PRMT3: variants seen among roughly 807,000 people sequenced by gnomAD.
The protein encoded by PRMT3 is protein arginine methyltransferase 3.
Under a neutral mutation model 71.9 loss-of-function variants are expected in PRMT3, and 62 were observed. The ratio of observed to expected loss-of-function variants is 0.86; its 90% CI spans 0.70 to 1.07. PRMT3 has a LOEUF of 1.07. PRMT3 is among the 50% of genes least tolerant of loss of function. The pLI is 0.00. For missense variants in PRMT3, 663 were observed against 643.0 expected (o/e 1.03, Z -0.34); for synonymous variants, 213 against 220.4 (o/e 0.97, Z 0.30).
Position 20,388,161 on chromosome 11 carries a change from C to A in PRMT3, c.164+7C>A, listed in dbSNP as rs530867962. The A allele has an allele frequency of 1.7e-5, 27 of 1,613,856 alleles. No homozygotes were observed. The East Asian group carries it at 3.8e-4, about 23-fold the overall frequency. On this transcript the variant is annotated splice_region_variant and intron_variant, in intron 2 of 15. Transcript: ENST00000331079. ...CCTGCCTGTTCTGTAACAGGTTCGT[C>A]CGCCTCAGCGCCTGGCCTCTGCCCT...
intron 10 of PRMT3, among the ~76,000 whole-genome samples, chr11:20,451,016 G>T (rs1172088768): frequency 1.3e-5 from 2 of 152,148 alleles, no homozygotes; most frequent in Admixed American, 1.3e-4. Flanking sequence ...GCATAGGGCT[G>T]TTGGGGGGTT....
At chr11:20,494,307 A>C (rs948952834) in intron 15 of PRMT3, 53 bp downstream of exon 15, 4 of 1,391,628 alleles carry the variant, frequency 2.9e-6, no homozygotes, top group Non-Finnish European at 4.0e-6. Context: ...AGTAAATGAT[A>C]TTCATTCATT....
At chr11:20,409,654 A>AAC (rs60686099) in intron 9 of PRMT3, among the ~76,000 whole-genome samples, 20,258 of 144,142 alleles carry the variant, frequency 0.14, 1,488 homozygotes, top group South Asian at 0.2. Flanking sequence ...GGAATACACA[A>AAC]ACACACACAC....
chr11:20,435,626 C>G (rs1045490358), intron 10 of PRMT3, among the ~76,000 whole-genome samples: 1 of 152,102 alleles, frequency 6.6e-6, no homozygotes. Flanking sequence ...GTTTTTGGTA[C>G]CTTTGCCAAA....
chr11:20,410,209 C>A (rs1849165001), intron 9 of PRMT3, among the ~76,000 whole-genome samples: 1 of 152,040 alleles, frequency 6.6e-6, no homozygotes, highest in African/African-American at 2.4e-5. Flanking sequence ...CTAGGGTGTT[C>A]ATGTCCAAGC....
intron 7 of PRMT3, 52 bp from the exon 8 acceptor site, chr11:20,402,867 T>A: frequency 7.0e-7 from 1 of 1,423,112 alleles, no homozygotes; most frequent in East Asian, 2.3e-5. Flanking sequence ...CTTAAAAAAT[T>A]TATTTGTTTA....
At chr11:20,388,658 T>C (rs1848649042) in intron 2 of PRMT3, among the ~76,000 whole-genome samples, 1 of 152,236 alleles carries the variant, frequency 6.6e-6, no homozygotes, top group South Asian at 2.1e-4. Flanking sequence ...AAACATTTCT[T>C]TTTTATTTGA....
chr11:20,414,187 A>T (rs1489049971), intron 9 of PRMT3, among the ~76,000 whole-genome samples: 1 of 152,094 alleles, frequency 6.6e-6, no homozygotes, highest in Non-Finnish European at 1.5e-5. Context: ...TGTCTCTACC[A>T]AAAAAATAAT....
chr11:20,491,333 G>T (rs1339581956), intron 13 of PRMT3, among the ~76,000 whole-genome samples: 1 of 152,140 alleles, frequency 6.6e-6, no homozygotes, highest in Non-Finnish European at 1.5e-5. Flanking sequence ...GAGGTGGCTT[G>T]TCTTTTCTCC....
At chr11:20,389,057 T>C (rs928434100) in intron 2 of PRMT3, among the ~76,000 whole-genome samples, 1 of 152,238 alleles carries the variant, frequency 6.6e-6, no homozygotes, top group Non-Finnish European at 1.5e-5. Context: ...GTGGCTGTGA[T>C]AGCCTCCATA....
chr11:20,416,366 A>G (rs1298357577), intron 9 of PRMT3, among the ~76,000 whole-genome samples: 1 of 152,188 alleles, frequency 6.6e-6, no homozygotes, highest in African/African-American at 2.4e-5. Flanking sequence ...GCCACTCTCA[A>G]AAGCCTTAGG....
chr11:20,433,863 G>T (rs1849707745), intron 10 of PRMT3, among the ~76,000 whole-genome samples: 1 of 152,044 alleles, frequency 6.6e-6, no homozygotes, highest in African/African-American at 2.4e-5. Flanking sequence ...CAAGTGATCT[G>T]CCCACCTCGG....
At chr11:20,396,001 T>C in intron 6 of PRMT3, 39 bp downstream of exon 6, 1 of 1,591,926 alleles carries the variant, frequency 6.3e-7, no homozygotes, top group Non-Finnish European at 8.6e-7. Context: ...GTTTTAGATC[T>C]CCAGAATAAT....
At chr11:20,397,788 A>T in intron 7 of PRMT3, 67 bp downstream of exon 7, 1 of 1,545,526 alleles carries the variant, frequency 6.5e-7, no homozygotes, top group Non-Finnish European at 8.8e-7. Flanking sequence ...CTTTCTTAAT[A>T]TATGTGTGCA....
At chr11:20,438,683 C>G (rs1849816918) in intron 10 of PRMT3, among the ~76,000 whole-genome samples, 1 of 152,126 alleles carries the variant, frequency 6.6e-6, no homozygotes, top group African/African-American at 2.4e-5. Flanking sequence ...CACCATAGAC[C>G]TGTGGGGCAT....
At chr11:20,453,254 G>C (rs1011133199) in intron 11 of PRMT3, among the ~76,000 whole-genome samples, 1 of 150,558 alleles carries the variant, frequency 6.6e-6, no homozygotes, top group Non-Finnish European at 1.5e-5. Context: ...GCCATGGCAG[G>C]CAGATCACCT....
At position 20,387,846 on chromosome 11, in the gene PRMT3, C is replaced by T. The variant is rs1304108623; in HGVS notation, c.28+72C>T. 2.0e-6 allele frequency: 3 copies of T among 1,535,416 alleles called. No individual in the cohort carries two copies. The highest frequency in any genetic ancestry group is 2.6e-6 in the Non-Finnish European group (3 of 1,141,604). ...GCGCCGCTGTGGGGCCGGTGGAAGA[C>T]CCTCCGGGACACGGGCCCGGGCAGG... On this transcript the variant is annotated intron_variant, in intron 1 of 15. Transcript: ENST00000331079. This position sits in a 1 kb window ranked among gnomAD's most constrained non-coding sequence, Gnocchi z 4.3.
intron 9 of PRMT3, among the ~76,000 whole-genome samples, chr11:20,415,344 G>A (rs1229665906): frequency 4.6e-5 from 7 of 152,046 alleles, no homozygotes; most frequent in Admixed American, 2.6e-4. Context: ...TCACTCCAGT[G>A]GTTCTGTCTT....
chr11:20,428,113 C>G (rs1849585736), intron 10 of PRMT3, among the ~76,000 whole-genome samples: 2 of 151,568 alleles, frequency 1.3e-5, no homozygotes, highest in Non-Finnish European at 2.9e-5. Flanking sequence ...TAAGATTGGC[C>G]TTAAACAACC....
Sources: gnomAD v4.1 joint callset for allele counts (sites outside exome capture counted in the v4.1 genomes callset) on GRCh38, gnomAD v4.1.1 for gene constraint, Gnocchi (gnomAD v3.1) non-coding constraint, MANE v1.5 for transcripts, NCBI Gene and HGNC (gene_info 2026-07-23, HGNC 2026-07-21) for gene names.